Variants in STARD9 observed in about 807,000 individuals in gnomAD.
STARD9 encodes the protein stAR-related lipid transfer protein 9.
Under a neutral mutation model 399.8 loss-of-function variants are expected in STARD9, and 346 were observed. The ratio of observed to expected loss-of-function variants is 0.87; its 90% confidence interval spans 0.79 to 0.95. The LOEUF is 0.95. Among genes scored for constraint, STARD9 ranks in the 40% least tolerant of loss-of-function variants. STARD9 has a pLI of 0.00. For synonymous variants in STARD9, 2,203 were observed against 2,143.5 expected (o/e 1.03, Z -0.77); for missense variants, 5,832 against 5,667.5 (o/e 1.03, Z -0.93).
chr15:42,718,144 G>GGCT lies in STARD9; in HGVS notation c.13730_13732dup (p.Leu4577dup). The GGCT allele has an allele frequency of 5.9e-6, 9 of 1,537,162 alleles. No homozygotes were observed. Among genetic ancestry groups the GGCT allele is most frequent in the Non-Finnish European group, 7.8e-6 (9 of 1,146,902 alleles). On this transcript the variant is annotated inframe_insertion, in exon 30 of 33. Coordinates refer to ENST00000290607, the MANE Select transcript of STARD9 (RefSeq NM_020759.3). ...TATTACAAGCCCATCCAGACAGCAAGGCTGCATCAGCGAGTGACCAACAGC... is the reference window on the plus strand; with the variant it reads ...TATTACAAGCCCATCCAGACAGCAAGGCTGCTGCATCAGCGAGTGACCAACAGC...
Position 42,692,292 on chromosome 15 carries a change from C to T in STARD9, c.10714C>T (p.Pro3572Ser). The change falls in exon 23 of 33, where the codon CCG (proline) becomes TCG (serine). Residue 3572 changes from proline to serine, a missense_variant. Pro to Ser is a moderately conservative substitution (Grantham distance 74). Coordinates refer to ENST00000290607, the MANE Select transcript of STARD9 (RefSeq NM_020759.3). ...AATTGCCTTAGGAGACCCCCACATCCCGACGAGCCCTGAAGGAGTAGCCCC... is the reference window on the plus strand; with the variant it reads ...AATTGCCTTAGGAGACCCCCACATCTCGACGAGCCCTGAAGGAGTAGCCCC... The part of the protein sequence containing the change: ...SSIALGDPHI[P>S]TSPEGVAPTS... The T allele has an allele frequency of 6.5e-7, 1 of 1,537,060 alleles. No individual in the cohort carries two copies. Among genetic ancestry groups the T allele is most frequent in the Non-Finnish European group, 8.7e-7 (1 of 1,146,898 alleles).
In STARD9 at chr15:42,665,824, G is replaced by C. The variant is rs991407501; in HGVS notation, c.1293G>C (p.Glu431Asp). The C allele has an allele frequency of 4.6e-6, 7 of 1,537,202 alleles. No individual in the cohort carries two copies. The highest frequency in any genetic ancestry group is 5.2e-6 in the Non-Finnish European group (6 of 1,146,856). ...CATTGAGTGATGAAAACCTGAAGGAGCTGGTTCTCCAAAATGAATTGAAGG... is the reference window on the plus strand; with the variant it reads ...CATTGAGTGATGAAAACCTGAAGGACCTGGTTCTCCAAAATGAATTGAAGG... ...FSSLSDENLKELVLQNELKID... is the reference protein window; with the variant it reads ...FSSLSDENLKDLVLQNELKID... Residue 431 changes from glutamate to aspartate, a missense_variant, in exon 15 of 33, where the codon GAG (glutamate) becomes GAC (aspartate). Around this residue, in one of 2 missense-constraint regions of STARD9, gnomAD observed 5,828 missense variants for 5,651.1 expected, o/e 1.03. Coordinates refer to ENST00000290607, the MANE Select transcript of STARD9 (RefSeq NM_020759.3).
rs1217077926 is a variant in STARD9 at position 42,691,204 on chromosome 15, G to A, written c.9626G>A (p.Trp3209Ter). ...TGCAGCCCCCAGGAAGACAGTCCCT[G>A]GCAGGAAGAAGAGCAGCACAGAGAC... ...HTCSPQEDSPWQEEEQHRDQA... is the reference protein window; with the variant it reads ...HTCSPQEDSP Residue 3209 changes from tryptophan to a stop codon, truncating the protein, a stop_gained, in exon 23 of 33, where the codon TGG becomes TAG. Transcript: ENST00000290607. LOFTEE classifies it high-confidence loss of function. 6.5e-7 allele frequency: 1 copy of A among 1,537,262 alleles called. No homozygotes were observed. Among genetic ancestry groups the A allele is most frequent in the South Asian group, 1.2e-5 (1 of 84,056 alleles).
intron 3 of STARD9, among the ~76,000 whole-genome samples, chr15:42,631,617 T>G (rs2059334353): frequency 6.6e-6 from 1 of 152,048 alleles, no homozygotes; most frequent in African/African-American, 2.4e-5. Context: ...TTCTTCTTAT[T>G]TTGTTCAGTG....
In STARD9 at chr15:42,689,209, A is replaced by C. The variant is rs908248693; in HGVS notation, c.7631A>C (p.His2544Pro). Reference sequence around the variant, plus strand: ...CCTAGGCTGTTGGAGCCCTCTGACCATGCATCCATGTGCCTGGCCATCTTG... The same window carrying C: ...CCTAGGCTGTTGGAGCCCTCTGACCCTGCATCCATGTGCCTGGCCATCTTG... ...PEPRLLEPSDHASMCLAILEE... is the reference protein window; with the variant it reads ...PEPRLLEPSDPASMCLAILEE... Residue 2544 changes from histidine (H) to proline (P), a missense_variant, in exon 23 of 33, where the codon CAT becomes CCT. Physicochemically the swap from His to Pro is moderately conservative, Grantham distance 77 (BLOSUM62 -2). This residue lies in a region of STARD9 where 5,828 missense variants were observed against 5,651.1 expected (regional missense o/e 1.03). Transcript: ENST00000290607. 6.5e-7 allele frequency: 1 copy of C among 1,537,140 alleles called. No individual in the cohort carries two copies. Among genetic ancestry groups the C allele is most frequent in the African/African-American group, 1.4e-5 (1 of 73,040 alleles).
intron 2 of STARD9, among the ~76,000 whole-genome samples, chr15:42,585,102 A>T (rs543498070): frequency 1.3e-5 from 2 of 152,318 alleles, no homozygotes; most frequent in Admixed American, 6.5e-5. Flanking sequence ...TTAGACTTGG[A>T]TTCACCCCCA....
At chr15:42,665,747 A>G in intron 14 of STARD9, 39 bp from the exon 15 acceptor site, 1 of 1,526,364 alleles carries the variant, frequency 6.6e-7, no homozygotes. Context: ...TGAAGTTCAG[A>G]CCAGGAAAAT....
chr15:42,625,495 T>A (rs1473189544), intron 3 of STARD9, among the ~76,000 whole-genome samples: 2 of 150,476 alleles, frequency 1.3e-5, no homozygotes, highest in Non-Finnish European at 3.0e-5. Flanking sequence ...CACTCCCGGC[T>A]AATTTTTATA....
At chr15:42,638,162 C>G in intron 6 of STARD9, 75 bp downstream of exon 6, 2 of 1,330,192 alleles carry the variant, frequency 1.5e-6, no homozygotes, top group South Asian at 1.3e-5. Context: ...CAGCTGTCCT[C>G]TCTTTGCTTC....
chr15:42,654,609 G>C (rs2059826757), intron 9 of STARD9, among the ~76,000 whole-genome samples: 1 of 151,898 alleles, frequency 6.6e-6, no homozygotes, highest in Non-Finnish European at 1.5e-5. Flanking sequence ...TAATGTACAT[G>C]AATCAGTAGC....
chr15:42,586,410 C>A (rs556973018), intron 3 of STARD9, among the ~76,000 whole-genome samples: 1 of 152,176 alleles, frequency 6.6e-6, no homozygotes, highest in Non-Finnish European at 1.5e-5. Flanking sequence ...GCTTAGCTCT[C>A]GGTCAAGTTT....
chr15:42,598,984 C>CGTGAT (rs2058570305), intron 3 of STARD9, among the ~76,000 whole-genome samples: 1 of 152,060 alleles, frequency 6.6e-6, no homozygotes, highest in Non-Finnish European at 1.5e-5. Context: ...AGTGCAGTGG[C>CGTGAT]ACAATCTCAG....
Position 42,686,067 on chromosome 15 carries a change from T to C in STARD9, c.4489T>C (p.Cys1497Arg), listed in dbSNP as rs1453064534. ...GCAGAAGTACCTCCTTGAACTCTCT[T>C]GTCCTGTTTTGGAGGCCATAGGAGC... ...LQQKYLLELS[C>R]PVLEAIGAPK... The change falls in exon 23 of 33, where the codon TGT (cysteine) becomes CGT (arginine). Residue 1497 changes from cysteine (C) to arginine (R), a missense_variant. Coordinates refer to ENST00000290607, the MANE Select transcript of STARD9 (RefSeq NM_020759.3). 1 of 1,537,112 alleles carries C rather than the reference T, an allele frequency of 6.5e-7. No homozygotes were observed. The highest frequency in any genetic ancestry group is 8.7e-7 in the Non-Finnish European group (1 of 1,146,894).
chr15:42,609,266 T>G (rs1368679922), intron 3 of STARD9, among the ~76,000 whole-genome samples: 1 of 152,194 alleles, frequency 6.6e-6, no homozygotes, highest in Non-Finnish European at 1.5e-5. Context: ...AGAAGGCTTC[T>G]AAGCCCTCAG....
Position 42,717,729 on chromosome 15 carries a change from A to G in STARD9, c.13495-2A>G, listed in dbSNP as rs1403326359. On this transcript the variant is annotated splice_acceptor_variant, in intron 28 of 32. Coordinates refer to ENST00000290607, the MANE Select transcript of STARD9 (RefSeq NM_020759.3). LOFTEE classifies it high-confidence loss of function. ...ATTTGGGTGTGGCCATTGTGTCCCC[A>G]GGTAATGGCTGCTTGTTCGGATAAT... 30 of 1,537,230 alleles carry G rather than the reference A, an allele frequency of 2.0e-5. No individual in the cohort carries two copies. The highest frequency in any genetic ancestry group is 2.6e-5 in the Non-Finnish European group (30 of 1,146,886).
At chr15:42,625,807 ATAAC>A (rs530507897) in intron 3 of STARD9, among the ~76,000 whole-genome samples, 25 of 152,182 alleles carry the variant, frequency 1.6e-4, no homozygotes, top group African/African-American at 5.3e-4. Context: ...ATTTTGTTGA[ATAAC>A]TAACCTCTCT....
Position 42,685,310 on chromosome 15 carries a change from TGTAATGGACCAAGAG to T in STARD9, c.3734_3748del (p.Val1245_Glu1249del), listed in dbSNP as rs1566935111. On this transcript the variant is annotated inframe_deletion, in exon 23 of 33. Transcript: ENST00000290607. ...GGCACCTGGAGGACTCTAGTCTGCCTGTAATGGACCAAGAGGCAATATGCAGGCTTGGTCCCATCA... is the reference window on the plus strand; with the variant it reads ...GGCACCTGGAGGACTCTAGTCTGCCTGCAATATGCAGGCTTGGTCCCATCA... 2.0e-6 allele frequency: 3 copies of T among 1,537,414 alleles called. No individual in the cohort carries two copies. The Admixed American group carries it at 5.9e-5, about 30-fold the overall frequency.
intron 3 of STARD9, among the ~76,000 whole-genome samples, chr15:42,623,305 A>G (rs2059129173): frequency 6.6e-6 from 1 of 151,900 alleles, no homozygotes; most frequent in South Asian, 2.1e-4. Flanking sequence ...TATTTCCCTC[A>G]CTACCTCAGG....
At chr15:42,668,710 A>G (rs913768404) in intron 15 of STARD9, among the ~76,000 whole-genome samples, 5 of 152,172 alleles carry the variant, frequency 3.3e-5, no homozygotes, top group African/African-American at 1.2e-4. Flanking sequence ...GCAAGCTTAT[A>G]TTATAACTCA....
Sources: gnomAD v4.1 joint callset for allele counts (sites outside exome capture counted in the v4.1 genomes callset) on GRCh38, gnomAD v4.1.1 for gene constraint, gnomAD v4.1.1 regional missense constraint, MANE v1.5 for transcripts, NCBI Gene and HGNC (gene_info 2026-07-23, HGNC 2026-07-21) for gene names.